EPHA3: variants seen among roughly 807,000 people sequenced by gnomAD.
EPHA3 encodes EPH receptor A3, also known as ephrin type-A receptor 3.
A neutral mutation model predicts 107.1 loss-of-function variants in EPHA3; 42 were observed. The ratio of observed to expected loss-of-function variants is 0.39; its 90% CI spans 0.31 to 0.51. The LOEUF is 0.51. Among genes scored for constraint, EPHA3 ranks in the 20% least tolerant of loss-of-function variants. The pLI is 0.78. For missense variants in EPHA3, 1,183 were observed against 1,211.2 expected (o/e 0.98, Z 0.35); for synonymous variants, 461 against 424.8 (o/e 1.09, Z -1.05).
At chr3:89,171,414 T>C (rs1433260446) in intron 2 of EPHA3, among the ~76,000 whole-genome samples, 2 of 152,182 alleles carry the variant, frequency 1.3e-5, no homozygotes, top group Non-Finnish European at 2.9e-5. Context: ...GCAATTAATT[T>C]TGGTGTACAA....
chr3:89,410,745 A>G (rs935485913), intron 9 of EPHA3, among the ~76,000 whole-genome samples: 2 of 151,950 alleles, frequency 1.3e-5, no homozygotes, highest in African/African-American at 4.8e-5. Context: ...ATATTTTAGT[A>G]ATGGTTACTT....
At chr3:89,130,231 A>C (rs1704176918) in intron 2 of EPHA3, among the ~76,000 whole-genome samples, 1 of 152,178 alleles carries the variant, frequency 6.6e-6, no homozygotes, top group Non-Finnish European at 1.5e-5. Flanking sequence ...ACCTGGTCTA[A>C]AATGACAGTG....
At chr3:89,329,491 CCAA>C (rs1707243236) in intron 3 of EPHA3, among the ~76,000 whole-genome samples, 1 of 152,044 alleles carries the variant, frequency 6.6e-6, no homozygotes, top group Non-Finnish European at 1.5e-5. Flanking sequence ...CTTAATATTT[CCAA>C]TACGCTATTT....
At chr3:89,404,103 T>C (rs902574490) in intron 7 of EPHA3, among the ~76,000 whole-genome samples, 2 of 152,128 alleles carry the variant, frequency 1.3e-5, no homozygotes, top group African/African-American at 4.8e-5. Context: ...CCTCATTATT[T>C]GTTGTTTTGA....
chr3:89,374,525 A>T (rs1708366325), intron 5 of EPHA3, among the ~76,000 whole-genome samples: 1 of 151,898 alleles, frequency 6.6e-6, no homozygotes, highest in African/African-American at 2.4e-5. Flanking sequence ...TTATACTGTT[A>T]TACACTGGGC....
chr3:89,207,351 A>G (rs1706128437), intron 2 of EPHA3, among the ~76,000 whole-genome samples: 2 of 152,174 alleles, frequency 1.3e-5, no homozygotes, highest in Admixed American at 6.5e-5. Flanking sequence ...GAGGGAGGCA[A>G]CAAGAATTGA....
chr3:89,431,101 TTTAAGAAATAGGAACGTATC>T lies in EPHA3; in HGVS notation c.2137-44_2137-25del, dbSNP rs770727950. On this transcript the variant is annotated intron_variant, in intron 12 of 16. Coordinates refer to ENST00000336596, the MANE Select transcript of EPHA3 (RefSeq NM_005233.6). ...AGATTTTAACCAATAAAGATATATC[TTTAAGAAATAGGAACGTATC>T]TTAATTGTACATTTGAAATGCTTCC... 1.1e-5 allele frequency: 18 copies of T among 1,567,970 alleles called. No homozygotes were observed. The Admixed American group carries it at 3.1e-4, about 27-fold the overall frequency.
intron 15 of EPHA3, among the ~76,000 whole-genome samples, chr3:89,470,492 G>T (rs1710377263): frequency 6.6e-6 from 1 of 152,104 alleles, no homozygotes; most frequent in Non-Finnish European, 1.5e-5. Context: ...ATCTTCATTT[G>T]TGTGAAATTG....
At chr3:89,361,096 T>C (rs1212100410) in intron 5 of EPHA3, among the ~76,000 whole-genome samples, 1 of 150,920 alleles carries the variant, frequency 6.6e-6, no homozygotes, top group African/African-American at 2.4e-5. Context: ...AAAATATTCA[T>C]TTTCAGAATT....
At chr3:89,116,535 A>C (rs1243674831) in intron 1 of EPHA3, among the ~76,000 whole-genome samples, 1 of 152,134 alleles carries the variant, frequency 6.6e-6, no homozygotes, top group Admixed American at 6.5e-5. Flanking sequence ...CAGGCTTTTG[A>C]AAGGTAGCAA....
intron 11 of EPHA3, among the ~76,000 whole-genome samples, chr3:89,427,275 C>T (rs1709475925): frequency 6.6e-6 from 1 of 151,810 alleles, no homozygotes; most frequent in East Asian, 1.9e-4. Flanking sequence ...ATTCAAATTA[C>T]TGAATGTAAA....
chr3:89,331,931 C>T (rs1162098085), intron 3 of EPHA3, among the ~76,000 whole-genome samples: 4 of 152,086 alleles, frequency 2.6e-5, no homozygotes, highest in Non-Finnish European at 5.9e-5. Flanking sequence ...GCAAACAAAA[C>T]ACTTCAGAAA....
At position 89,136,330 on chromosome 3, in the gene EPHA3, C is replaced by CTTTT. The variant is rs67054298; in HGVS notation, c.153+9078_153+9081dup. Reference sequence around the variant, plus strand: ...GAAAAACATGGCAAAATCTTACAGGCTTTTTTTTTTTTTTTTTTTTTTTTG... The same window carrying CTTTT: ...GAAAAACATGGCAAAATCTTACAGGCTTTTTTTTTTTTTTTTTTTTTTTTTTTTG... On this transcript the variant is annotated intron_variant, in intron 2 of 16. Transcript: ENST00000336596. 6.5e-3 allele frequency among the ~76,000 whole-genome samples: 152 copies of CTTTT among 23,378 alleles called. 40 individuals are homozygous for CTTTT. Among genetic ancestry groups the CTTTT allele is most frequent in the African/African-American group, 0.023 (137 of 6,056 alleles). 15.3% of individuals were successfully genotyped at this position (23,378 alleles called of 152,430 possible). A position where few individuals can be genotyped will look rare whatever the true frequency, so the allele number is the denominator to read the frequency against.
chr3:89,468,630 G>A (rs889309094), intron 15 of EPHA3, among the ~76,000 whole-genome samples: 1 of 152,178 alleles, frequency 6.6e-6, no homozygotes, highest in Non-Finnish European at 1.5e-5. Context: ...GCGCATGCCT[G>A]TAGATAGTTT....
At chr3:89,400,611 A>G (rs1708941913) in intron 7 of EPHA3, among the ~76,000 whole-genome samples, 1 of 150,984 alleles carries the variant, frequency 6.6e-6, no homozygotes, top group Non-Finnish European at 1.5e-5. Context: ...GAACAGATAC[A>G]TAATTATGTG....
intron 13 of EPHA3, among the ~76,000 whole-genome samples, chr3:89,438,808 C>T (rs1388670918): frequency 2.6e-5 from 4 of 152,150 alleles, no homozygotes; most frequent in Non-Finnish European, 5.9e-5. Flanking sequence ...AATACAGCCA[C>T]TTATTCAATA....
chr3:89,361,355 A>G lies in EPHA3; in HGVS notation c.1306+19265A>G, dbSNP rs183050334. 4.1e-4 allele frequency among the ~76,000 whole-genome samples: 62 copies of G among 150,996 alleles called. 5 individuals are homozygous for G. Among genetic ancestry groups the G allele is most frequent in the Non-Finnish European group, 1.0e-4 (7 of 67,402 alleles). On this transcript the variant is annotated intron_variant, in intron 5 of 16. Transcript: ENST00000336596. ...GTGGTGCTTTGTGACAGAACCACAG[A>G]TGTTCAGTACATGATATATTTATTT...
intron 3 of EPHA3, among the ~76,000 whole-genome samples, chr3:89,318,624 C>T (rs182617323): frequency 6.6e-6 from 1 of 151,930 alleles, no homozygotes; most frequent in East Asian, 1.9e-4. Flanking sequence ...GTTGATGGTA[C>T]CCATGTTTAA....
chr3:89,241,764 T>C (rs1361157766), intron 3 of EPHA3, among the ~76,000 whole-genome samples: 1 of 152,192 alleles, frequency 6.6e-6, no homozygotes, highest in Non-Finnish European at 1.5e-5. Context: ...GAATAGTCTA[T>C]TATTTCTTGG....
Sources: allele counts gnomAD v4.1 joint callset (sites outside exome capture counted in the v4.1 genomes callset), GRCh38; gene constraint gnomAD v4.1.1; transcripts MANE v1.5; gene names NCBI Gene and HGNC (gene_info 2026-07-23, HGNC 2026-07-21).